The following TMEM131 variants were observed in gnomAD, a reference collection of about 807,000 sequenced individuals.
The protein encoded by TMEM131 is 2610524E03Rik.
A neutral mutation model predicts 211.6 loss-of-function variants in TMEM131; 66 were observed. The ratio of observed to expected loss-of-function variants is 0.31; its 90% CI spans 0.26 to 0.38. TMEM131 has a LOEUF of 0.38. TMEM131 is among the 10% of genes least tolerant of loss of function. The pLI, the probability that TMEM131 is intolerant of heterozygous loss-of-function variation, is 1.00. For synonymous variants in TMEM131, 844 were observed against 841.3 expected (o/e 1.00, Z -0.06); for missense variants, 2,036 against 2,299.3 (o/e 0.89, Z 2.34).
At chr2:97,982,449 C>T (rs924756764) in intron 1 of TMEM131, among the ~76,000 whole-genome samples, 7 of 151,874 alleles carry the variant, frequency 4.6e-5, no homozygotes, top group African/African-American at 1.5e-4. Context: ...GAAAATTTTT[C>T]TTCCATTCTG....
intron 1 of TMEM131, among the ~76,000 whole-genome samples, chr2:97,988,388 C>T (rs895654371): frequency 6.6e-6 from 1 of 152,316 alleles, no homozygotes; most frequent in Admixed American, 6.5e-5. Context: ...AAGTTCATGA[C>T]ATTGGATTTG....
At chr2:97,949,219 T>C (rs1678187332) in intron 1 of TMEM131, among the ~76,000 whole-genome samples, 1 of 151,912 alleles carries the variant, frequency 6.6e-6, no homozygotes, top group East Asian at 1.9e-4. Context: ...TACAGACAAA[T>C]CTAAAAATAA....
chr2:97,787,381 T>C (rs553840257), intron 31 of TMEM131, among the ~76,000 whole-genome samples: 31 of 152,338 alleles, frequency 2.0e-4, no homozygotes, highest in African/African-American at 7.0e-4. Flanking sequence ...TGAACATATG[T>C]GGTCCCACGT....
At position 97,836,960 on chromosome 2, in the gene TMEM131, C is replaced by T. The variant is rs893542016; in HGVS notation, c.804+117G>A. ...TTGACATAAATTAACATTAAGACAA[C>T]GATTAAAGAGAAGTCATCCATATTT... On this transcript the variant is annotated intron_variant, in intron 8 of 40. Coordinates refer to ENST00000186436, the MANE Select transcript of TMEM131 (RefSeq NM_015348.2). 65 of 772,240 alleles carry T rather than the reference C, an allele frequency of 8.4e-5. 1 individual carries two copies. The highest frequency in any genetic ancestry group is 6.4e-4 in the South Asian group (39 of 61,372). 47.8% of individuals were successfully genotyped at this position (772,240 alleles called of 1,614,324 possible).
At chr2:97,952,269 T>A (rs1678357731) in intron 1 of TMEM131, among the ~76,000 whole-genome samples, 2 of 151,180 alleles carry the variant, frequency 1.3e-5, no homozygotes, top group Admixed American at 6.6e-5. Context: ...AAATCTAACA[T>A]TAGGAGAGGA....
At chr2:97,946,010 C>T (rs979355767) in intron 1 of TMEM131, among the ~76,000 whole-genome samples, 24 of 152,032 alleles carry the variant, frequency 1.6e-4, no homozygotes, top group African/African-American at 5.8e-4. Context: ...GGTATTATAG[C>T]CATCTTAAAA....
chr2:97,847,374 T>C (rs1463411143), intron 5 of TMEM131, among the ~76,000 whole-genome samples: 4 of 152,286 alleles, frequency 2.6e-5, no homozygotes, highest in East Asian at 1.9e-4. Context: ...TAATGATCAA[T>C]TGTATCTCCA....
intron 11 of TMEM131, among the ~76,000 whole-genome samples, chr2:97,824,551 T>C (rs1342936499): frequency 1.3e-5 from 2 of 152,192 alleles, no homozygotes; most frequent in Non-Finnish European, 1.5e-5. Flanking sequence ...TCCCACACCC[T>C]TATTAGGGAG....
At chr2:97,909,560 C>T (rs941992079) in intron 2 of TMEM131, among the ~76,000 whole-genome samples, 1 of 152,100 alleles carries the variant, frequency 6.6e-6, no homozygotes, top group African/African-American at 2.4e-5. Flanking sequence ...AATGCCAATG[C>T]TATAAGGAAT....
chr2:97,966,422 A>G (rs1679061598), intron 1 of TMEM131, among the ~76,000 whole-genome samples: 1 of 152,174 alleles, frequency 6.6e-6, no homozygotes, highest in South Asian at 2.1e-4. Flanking sequence ...TCTTGATCTT[A>G]AAAGTATTTT....
intron 2 of TMEM131, among the ~76,000 whole-genome samples, chr2:97,917,419 T>C (rs1371609402): frequency 6.6e-6 from 1 of 152,172 alleles, no homozygotes; most frequent in Non-Finnish European, 1.5e-5. Context: ...CAATCTGGCA[T>C]AGCATGTCCT....
At chr2:97,898,054 C>A (rs1675690189) in intron 3 of TMEM131, among the ~76,000 whole-genome samples, 1 of 152,066 alleles carries the variant, frequency 6.6e-6, no homozygotes, top group African/African-American at 2.4e-5. Context: ...GTGATATCCC[C>A]TATTTCATTA....
At chr2:97,820,767 A>C (rs1268654296) in intron 11 of TMEM131, among the ~76,000 whole-genome samples, 1 of 151,986 alleles carries the variant, frequency 6.6e-6, no homozygotes, top group East Asian at 1.9e-4. Context: ...TGAGGCAGAT[A>C]ACTACTTGAA....
Position 97,812,623 on chromosome 2 carries a change from A to G in TMEM131, c.1728+16T>C. The G allele has an allele frequency of 6.3e-7, 1 of 1,582,312 alleles. No individual in the cohort carries two copies. Among genetic ancestry groups the G allele is most frequent in the East Asian group, 2.2e-5 (1 of 44,638 alleles). On this transcript the variant is annotated intron_variant, in intron 16 of 40. Transcript: ENST00000186436. ...AAAATCCTTAAATGTGATTTAGAATAAAAACAGGTTTTTACCTCAATTGGA... is the reference window on the plus strand; with the variant it reads ...AAAATCCTTAAATGTGATTTAGAATGAAAACAGGTTTTTACCTCAATTGGA...
intron 19 of TMEM131, among the ~76,000 whole-genome samples, chr2:97,809,249 G>A (rs975386388): frequency 5.9e-5 from 9 of 152,036 alleles, no homozygotes; most frequent in African/African-American, 1.7e-4. Flanking sequence ...TTGCCAAACT[G>A]GACAACTCAC....
chr2:97,791,919 C>T (rs1319808368), intron 31 of TMEM131, among the ~76,000 whole-genome samples: 3 of 152,176 alleles, frequency 2.0e-5, no homozygotes, highest in Admixed American at 2.0e-4. Flanking sequence ...GATATACCAA[C>T]AAATGAGCAT....
intron 11 of TMEM131, among the ~76,000 whole-genome samples, chr2:97,828,749 G>A (rs1312823686): frequency 6.6e-6 from 1 of 152,184 alleles, no homozygotes; most frequent in African/African-American, 2.4e-5. Context: ...AGCGTTTACA[G>A]GAAAAGGCTT....
chr2:97,771,452 CA>C, intron 33 of TMEM131, among the ~76,000 whole-genome samples: 1 of 152,262 alleles, frequency 6.6e-6, no homozygotes, highest in Non-Finnish European at 1.5e-5. Flanking sequence ...AGACCTTCCA[CA>C]AATCTATGGC....
intron 2 of TMEM131, among the ~76,000 whole-genome samples, chr2:97,924,457 G>T (rs1676892993): frequency 6.6e-6 from 1 of 152,184 alleles, no homozygotes; most frequent in African/African-American, 2.4e-5. Flanking sequence ...GGACCTCCAA[G>T]GTCAGGACAT....
Sources: gnomAD v4.1 joint callset for allele counts (sites outside exome capture counted in the v4.1 genomes callset) on GRCh38, gnomAD v4.1.1 for gene constraint, MANE v1.5 for transcripts, NCBI Gene and HGNC (gene_info 2026-07-23, HGNC 2026-07-21) for gene names.